ZNF540: variants seen among roughly 807,000 people sequenced by gnomAD.
ZNF540 encodes CTD-3064H18.6.
A neutral mutation model predicts 11.8 loss-of-function variants in ZNF540; 3 were observed. The ratio of observed to expected loss-of-function variants is 0.25; its 90% CI spans 0.12 to 0.65. The LOEUF (loss-of-function observed/expected upper bound fraction) is 0.65, where lower values mean the gene tolerates loss of function less well. ZNF540 is among the 30% of genes least tolerant of loss of function. The probability of loss-of-function intolerance (pLI) is 0.83; values close to 1 mark genes in which losing one functional copy is unlikely to be tolerated. For missense variants in ZNF540, 709 were observed against 793.1 expected, an observed-to-expected ratio of 0.89 and a Z score of 1.27; for synonymous variants, 247 against 259.0, an observed-to-expected ratio of 0.95 and a Z score of 0.45.
At chr19:37,572,894 G>T (rs1186439716) in intron 1 of ZNF540, among the ~76,000 whole-genome samples, 1 of 148,032 alleles carries the variant, frequency 6.8e-6, no homozygotes, top group Non-Finnish European at 1.5e-5. Flanking sequence ...TTCAGGGCAA[G>T]AAATAATTAT....
intron 1 of ZNF540, among the ~76,000 whole-genome samples, chr19:37,588,435 T>G (rs2043757804): frequency 6.6e-6 from 1 of 152,220 alleles, no homozygotes; most frequent in Non-Finnish European, 1.5e-5. Context: ...GAGGCCATTA[T>G]CCTAAATGAA....
At chr19:37,573,246 C>A (rs1441955410) in intron 1 of ZNF540, among the ~76,000 whole-genome samples, 2 of 152,060 alleles carry the variant, frequency 1.3e-5, no homozygotes, top group African/African-American at 2.4e-5. Context: ...AGCCTCCAGG[C>A]AATTCTATAT....
Position 37,601,002 on chromosome 19 carries a change from G to GT in ZNF540, c.137-7dup. On this transcript the variant is annotated splice_polypyrimidine_tract_variant and splice_region_variant and intron_variant, in intron 3 of 4. Coordinates refer to ENST00000316433, the MANE Select transcript of ZNF540 (RefSeq NM_001172225.3). ...CTATATATTCTTTTATTTCTTTCTT[G>GT]TAAGCAGGATATTCTGGCTCAAAGC... 1 of 1,563,124 alleles carries GT rather than the reference G, an allele frequency of 6.4e-7. No individual in the cohort carries two copies. The highest frequency in any genetic ancestry group is 8.7e-7 in the Non-Finnish European group (1 of 1,153,442).
At chr19:37,564,352 G>C (rs911951724) in intron 1 of ZNF540, 2 of 341,702 alleles carry the variant, frequency 5.9e-6, no homozygotes, top group Admixed American at 9.0e-5. Flanking sequence ...GAAATATATA[G>C]GATTTCAGTT....
chr19:37,565,264 C>G, intron 1 of ZNF540: 2 of 1,611,442 alleles, frequency 1.2e-6, no homozygotes, highest in South Asian at 2.2e-5. Flanking sequence ...TATAAGGTCT[C>G]TCACCTGAAT....
intron 1 of ZNF540, chr19:37,566,547 G>A (rs1330593757): frequency 8.6e-6 from 3 of 349,434 alleles, no homozygotes; most frequent in East Asian, 9.8e-5. Flanking sequence ...GAGACACCCA[G>A]GAGGCTTATA....
rs1357702909 is a variant in ZNF540, at chr19:37,587,784, C to T, written c.-72-10592C>T. Among the ~76,000 whole-genome samples the T allele has an allele frequency of 2.0e-5, 3 of 152,060 alleles. No individual in the cohort carries two copies. In the East Asian group the frequency reaches 5.8e-4, roughly 29 times the overall value. On this transcript the variant is annotated intron_variant, in intron 1 of 4. Transcript: ENST00000592533. ...ACTAAGATTTTGTCCTCCCCGCTAA[C>T]CAATTTTCACCTCCTTTGAGGCAAT...
At chr19:37,592,281 T>C (rs2043890375), upstream of ZNF540, among the ~76,000 whole-genome samples, 1 of 152,126 alleles carries the variant, frequency 6.6e-6, no homozygotes, top group Admixed American at 6.5e-5. Flanking sequence ...TTGGTATCAA[T>C]CATAAGTGGA....
intron 1 of ZNF540, chr19:37,586,696 A>AT: frequency 6.2e-7 from 1 of 1,613,972 alleles, no homozygotes; most frequent in Non-Finnish European, 8.5e-7. Context: ...GAACTGATCA[A>AT]TTTTCTGGGT....
chr19:37,605,760 T>TA (rs1030285411), intron 4 of ZNF540, among the ~76,000 whole-genome samples: 118 of 152,340 alleles, frequency 7.7e-4, no homozygotes, highest in African/African-American at 2.6e-3. Flanking sequence ...ATTTTAATCT[T>TA]AGTCATTTTA....
Position 37,612,811 on chromosome 19 carries a change from ACTGAACACCAG to A in ZNF540, c.1532_1542del (p.Thr511LysfsTer6). The A allele has an allele frequency of 6.2e-7, 1 of 1,614,092 alleles. No individual in the cohort carries two copies. The highest frequency in any genetic ancestry group is 8.5e-7 in the Non-Finnish European group (1 of 1,180,014). On this transcript the variant is annotated frameshift_variant, in exon 5 of 5. Coordinates refer to ENST00000316433, the MANE Select transcript of ZNF540 (RefSeq NM_001172225.3). LOFTEE classifies it low-confidence loss of function (END_TRUNC). ...GACCTTTAGATTTGGTTTCTACCTT[ACTGAACACCAG>A]AGAATTCACACTGGTGAAAAGCCCT...
Position 37,613,758 on chromosome 19 carries a change from A to T in ZNF540, c.*495A>T. The T allele has an allele frequency of 2.5e-6, 1 of 398,718 alleles. No homozygotes were observed. The highest frequency in any genetic ancestry group is 3.6e-5 in the East Asian group (1 of 28,074). 24.7% of individuals were successfully genotyped at this position (398,718 alleles called of 1,614,324 possible). A position where few individuals can be genotyped will look rare whatever the true frequency, so the allele number is the denominator to read the frequency against. On this transcript the variant is annotated 3_prime_UTR_variant, in exon 5 of 5. Transcript: ENST00000316433. ...AAAAACCACTCATCACTTACATTTCATGAAGTACTTCTTTGATAAAATCTG... is the reference window on the plus strand; with the variant it reads ...AAAAACCACTCATCACTTACATTTCTTGAAGTACTTCTTTGATAAAATCTG...
chr19:37,610,524 A>G (rs1420740294), intron 4 of ZNF540, among the ~76,000 whole-genome samples: 5 of 152,224 alleles, frequency 3.3e-5, no homozygotes, highest in Admixed American at 2.0e-4. Flanking sequence ...TTTCTGTGTA[A>G]GAGATATTTA....
chr19:37,599,871 A>C, intron 3 of ZNF540, 119 bp downstream of exon 3: 1 of 1,153,326 alleles, frequency 8.7e-7, no homozygotes, highest in Non-Finnish European at 1.2e-6. Context: ...TTCCTCAAGG[A>C]ATGGACTGAA....
chr19:37,600,908 C>G, intron 3 of ZNF540, 102 bp from the exon 4 acceptor site: 1 of 990,060 alleles, frequency 1.0e-6, no homozygotes, highest in Non-Finnish European at 1.5e-6. Context: ...AAGTCTTCAT[C>G]GAAATCATGT....
intron 4 of ZNF540, among the ~76,000 whole-genome samples, chr19:37,601,952 T>C (rs1055225641): frequency 1.3e-5 from 2 of 152,188 alleles, no homozygotes; most frequent in African/African-American, 4.8e-5. Flanking sequence ...TTGAAAGCCA[T>C]AATCAAAAAT....
At position 37,612,946 on chromosome 19, in the gene ZNF540, T is replaced by C. The variant is rs1568370103; in HGVS notation, c.1666T>C (p.Cys556Arg). 1.9e-6 allele frequency: 3 copies of C among 1,614,060 alleles called. No homozygotes were observed. Among genetic ancestry groups the C allele is most frequent in the African/African-American group, 1.3e-5 (1 of 74,918 alleles). Residue 556 changes from cysteine to arginine, a missense_variant, in exon 5 of 5, where the codon TGT (cysteine) becomes CGT (arginine). By Grantham distance (180) the Cys-to-Arg change is radical. Coordinates refer to ENST00000316433, the MANE Select transcript of ZNF540 (RefSeq NM_001172225.3). The stretch of plus-strand genomic sequence containing the variant: ...TTTAAAACCCTATGACTGTAAAGAA[T>C]GTGGGAAGTCCTTTAGTCGGCGTGG... ...SGLKPYDCKE[C>R]GKSFSRRGQF... is the part of the protein sequence containing the mutation.
At chr19:37,605,316 T>G (rs938922854) in intron 4 of ZNF540, among the ~76,000 whole-genome samples, 1 of 151,770 alleles carries the variant, frequency 6.6e-6, no homozygotes, top group Non-Finnish European at 1.5e-5. Context: ...AAAAATTAGC[T>G]AGGCATGGTG....
chr19:37,578,740 C>G (rs1028198316), intron 1 of ZNF540, among the ~76,000 whole-genome samples: 2 of 152,080 alleles, frequency 1.3e-5, no homozygotes. Context: ...TCCCAGATAG[C>G]AGACCATGCA....
Sources: allele counts gnomAD v4.1 joint callset (sites outside exome capture counted in the v4.1 genomes callset), GRCh38; gene constraint gnomAD v4.1.1; transcripts MANE v1.5; gene names NCBI Gene and HGNC (gene_info 2026-07-23, HGNC 2026-07-21).